Variants in NDUFS1 observed in about 807,000 individuals in gnomAD.
NDUFS1 encodes the protein NADH-ubiquinone oxidoreductase 75 kDa subunit, mitochondrial.
NDUFS1 carries 61 observed loss-of-function variants against 84.4 expected under a neutral mutation model. That is an observed-to-expected ratio of 0.72 (90% CI 0.59 to 0.89). The LOEUF (loss-of-function observed/expected upper bound fraction) is 0.89, where lower values mean the gene tolerates loss of function less well. NDUFS1 is among the 40% of genes least tolerant of loss of function. The pLI, the probability that NDUFS1 is intolerant of heterozygous loss-of-function variation, is 0.00. For missense variants in NDUFS1, 891 were observed against 890.0 expected (o/e 1.00, Z -0.01); for synonymous variants, 275 against 290.0 (o/e 0.95, Z 0.53).
chr2:206,125,626 T>C (rs13385905), intron 18 of NDUFS1, among the ~76,000 whole-genome samples: 3,682 of 151,850 alleles, frequency 0.024, 151 homozygotes, highest in African/African-American at 0.084. Flanking sequence ...TATTTCTTGA[T>C]AGTGGGAGGG....
At chr2:206,138,122 G>A (rs756603062) in intron 13 of NDUFS1, among the ~76,000 whole-genome samples, 1 of 152,100 alleles carries the variant, frequency 6.6e-6, no homozygotes, top group Non-Finnish European at 1.5e-5. Context: ...ACAGAGTCTC[G>A]CTCTGTTGCC....
chr2:206,155,883 T>C (rs7567335), intron 1 of NDUFS1, among the ~76,000 whole-genome samples: 3,382 of 144,810 alleles, frequency 0.023, 122 homozygotes, highest in African/African-American at 0.081. Context: ...ACTTTTTGAG[T>C]TTTTTTTTTT....
rs760215826 is a variant in NDUFS1 at position 206,126,558 on chromosome 2, TA to T, written c.2072del (p.Ile691LysfsTer6). 6.2e-7 allele frequency: 1 copy of T among 1,614,170 alleles called. No homozygotes were observed. Among genetic ancestry groups the T allele is most frequent in the East Asian group, 2.2e-5 (1 of 44,868 alleles). On this transcript the variant is annotated frameshift_variant, in exon 18 of 19. Coordinates refer to ENST00000233190, the MANE Select transcript of NDUFS1 (RefSeq NM_005006.7). LOFTEE classifies it high-confidence loss of function. ...ACATACCTGTCATGTAGAAGTCTTT[TA>T]TAGTTAGCTGAGGTGGAACAAGTGG... ...ADPLVPPQLT[I>X]KDFYMTDSIS...
intron 3 of NDUFS1, 129 bp from the exon 4 acceptor site, chr2:206,150,054 T>TATCTA (rs79839685): frequency 3.2e-5 from 23 of 724,382 alleles, no homozygotes; most frequent in Non-Finnish European, 3.8e-5. Context: ...TCTATCTATC[T>TATCTA]TAATTCATTC....
chr2:206,144,099 A>G lies in NDUFS1; in HGVS notation c.906T>C (p.Leu302=), dbSNP rs550232003. The change falls in exon 10 of 19, where the codon CTT becomes CTC. Residue 302 remains leucine, a synonymous_variant. Coordinates refer to ENST00000233190, the MANE Select transcript of NDUFS1 (RefSeq NM_005006.7). Reference sequence around the variant, plus strand: ...TTTCATTTCTGACCATTGGCTCGGTAAGTCTTTGACGTTTTAGCCCATCAT... The same window carrying G: ...TTTCATTTCTGACCATTGGCTCGGTGAGTCTTTGACGTTTTAGCCCATCAT... ...FAYDGLKRQR[L]TEPMVRNEKG... 1.9e-6 allele frequency: 3 copies of G among 1,614,102 alleles called. No homozygotes were observed. The highest frequency in any genetic ancestry group is 2.2e-5 in the South Asian group (2 of 91,090).
rs1233673094 is a variant in NDUFS1 at position 206,119,732 on chromosome 2, A to C, written c.*4453T>G. The C allele has an allele frequency of 6.6e-6, 1 of 152,150 alleles. No homozygotes were observed. The highest frequency in any genetic ancestry group is 1.9e-4 in the East Asian group (1 of 5,196). 9.4% of individuals were successfully genotyped at this position (152,150 alleles called of 1,614,324 possible). A position where few individuals can be genotyped will look rare whatever the true frequency, so the allele number is the denominator to read the frequency against. On this transcript the variant is annotated 3_prime_UTR_variant, in exon 19 of 19. Coordinates refer to ENST00000233190, the MANE Select transcript of NDUFS1 (RefSeq NM_005006.7). The stretch of plus-strand genomic sequence containing the variant: ...GCCAGGCCAAGTATATTTTTAATTA[A>C]TGTATTCATTATAATACAATTTACT...
chr2:206,148,934 T>C lies in NDUFS1; in HGVS notation c.338+86A>G, dbSNP rs1239056020. On this transcript the variant is annotated intron_variant, in intron 5 of 18. Transcript: ENST00000233190. The stretch of plus-strand genomic sequence containing the variant: ...AACTTCTTCCGAGTTTGATATTAAA[T>C]TCTTAATCTATGGGAAGGTCTAAAT... The C allele has an allele frequency of 7.1e-6, 7 of 983,190 alleles. No individual in the cohort carries two copies. In the Admixed American group the frequency reaches 8.9e-5, roughly 12 times the overall value. 60.9% of individuals were successfully genotyped at this position (983,190 alleles called of 1,614,324 possible). A position where few individuals can be genotyped will look rare whatever the true frequency, so the allele number is the denominator to read the frequency against.
chr2:206,148,040 T>C (rs769966261), intron 5 of NDUFS1, among the ~76,000 whole-genome samples: 8 of 152,094 alleles, frequency 5.3e-5, no homozygotes, highest in Non-Finnish European at 1.2e-4. Context: ...TTCTCTTGCC[T>C]CAGCCTCCCG....
In NDUFS1 at chr2:206,116,538, G is replaced by A. The variant is rs1690948698; in HGVS notation, c.*7647C>T. The A allele has an allele frequency of 2.3e-6, 2 of 868,744 alleles. No homozygotes were observed. The highest frequency in any genetic ancestry group is 1.8e-6 in the Non-Finnish European group (1 of 556,448). 53.8% of individuals were successfully genotyped at this position (868,744 alleles called of 1,614,324 possible). On this transcript the variant is annotated 3_prime_UTR_variant, in exon 19 of 19. Coordinates refer to ENST00000233190, the MANE Select transcript of NDUFS1 (RefSeq NM_005006.7). ...GCGGGGATGGCAGCGCTACGCCTCA[G>A]CCACTCGCGCGGGGAGGCGGGGCGG...
intron 1 of NDUFS1, 57 bp from the exon 2 acceptor site, chr2:206,153,739 T>C (rs1196702429): frequency 2.2e-6 from 2 of 924,000 alleles, no homozygotes; most frequent in African/African-American, 3.4e-5. Flanking sequence ...CACCAACTGT[T>C]TGGTAATGTT....
intron 1 of NDUFS1, among the ~76,000 whole-genome samples, chr2:206,157,868 G>A (rs1039041922): frequency 6.6e-6 from 1 of 151,464 alleles, no homozygotes; most frequent in Non-Finnish European, 1.5e-5. Context: ...GCTATTCCAC[G>A]TTCTCCAACA....
At chr2:206,127,039 C>T (rs1691320562) in intron 16 of NDUFS1, among the ~76,000 whole-genome samples, 195 bp from the exon 17 acceptor site, 1 of 152,190 alleles carries the variant, frequency 6.6e-6, no homozygotes, top group African/African-American at 2.4e-5. Context: ...TCATTCACAG[C>T]TGTCAGTACA....
At chr2:206,148,297 T>C (rs937169377) in intron 5 of NDUFS1, among the ~76,000 whole-genome samples, 4 of 152,186 alleles carry the variant, frequency 2.6e-5, no homozygotes, top group African/African-American at 7.2e-5. Flanking sequence ...TTACATTTAA[T>C]ATCAGAAATG....
At chr2:206,157,963 C>CTTCTTTTTTTT (rs539046435) in intron 1 of NDUFS1, among the ~76,000 whole-genome samples, 2 of 131,864 alleles carry the variant, frequency 1.5e-5, no homozygotes, top group African/African-American at 2.9e-5. Flanking sequence ...ATTTCAATAG[C>CTTCTTTTTTTT]TTTTTTTTTT....
chr2:206,145,725 T>C (rs1306669763), intron 8 of NDUFS1, among the ~76,000 whole-genome samples: 2 of 152,194 alleles, frequency 1.3e-5, no homozygotes, highest in East Asian at 3.9e-4. Context: ...GTGCTCCTCC[T>C]ATGCTCCTCT....
chr2:206,147,399 A>G (rs1212859330), intron 7 of NDUFS1, 132 bp downstream of exon 7: 7 of 865,244 alleles, frequency 8.1e-6, no homozygotes, highest in East Asian at 8.0e-5. Context: ...TTTTATTCAT[A>G]TATCAGAAAC....
chr2:206,116,473 G>C lies in NDUFS1; in HGVS notation c.*7712C>G. 1 of 1,179,778 alleles carries C rather than the reference G, an allele frequency of 8.5e-7. No individual in the cohort carries two copies. Among genetic ancestry groups the C allele is most frequent in the Admixed American group, 2.0e-5 (1 of 50,238 alleles). The allele number at this position is 1,179,778 out of a possible 1,614,324, so 73.1% of individuals were successfully genotyped here. On this transcript the variant is annotated 3_prime_UTR_variant, in exon 19 of 19. Coordinates refer to ENST00000233190, the MANE Select transcript of NDUFS1 (RefSeq NM_005006.7). ...ACGTGCAGGCTGCAGAGCACGGCCCGCACGCTCCGCACCACTCGCAGCGCC... is the reference window on the plus strand; with the variant it reads ...ACGTGCAGGCTGCAGAGCACGGCCCCCACGCTCCGCACCACTCGCAGCGCC...
chr2:206,146,179 C>G (rs765882251), intron 8 of NDUFS1, among the ~76,000 whole-genome samples: 11 of 152,176 alleles, frequency 7.2e-5, no homozygotes, highest in Non-Finnish European at 1.2e-4. Context: ...TATGCAGACA[C>G]AGGGGAACTC....
At chr2:206,141,766 A>AG (rs1338808085) in intron 12 of NDUFS1, among the ~76,000 whole-genome samples, 175 bp downstream of exon 12, 1 of 149,576 alleles carries the variant, frequency 6.7e-6, no homozygotes, top group Non-Finnish European at 1.5e-5. Flanking sequence ...ACTGCACTCC[A>AG]GCCTGGGTGA....
Sources: allele counts gnomAD v4.1 joint callset (sites outside exome capture counted in the v4.1 genomes callset), GRCh38; gene constraint gnomAD v4.1.1; transcripts MANE v1.5; gene names NCBI Gene and HGNC (gene_info 2026-07-23, HGNC 2026-07-21).